TP53BP1: variants seen among roughly 807,000 people sequenced by gnomAD.
TP53BP1 encodes the protein TP53-binding protein 1.
A neutral mutation model predicts 200.8 loss-of-function variants in TP53BP1; 61 were observed. That is an observed-to-expected ratio of 0.30 (90% confidence interval 0.25 to 0.38). The LOEUF is 0.38. TP53BP1 is among the 10% of genes least tolerant of loss of function. The pLI is 1.00. For synonymous variants in TP53BP1, 822 were observed against 844.3 expected (o/e 0.97, Z 0.46); for missense variants, 2,144 against 2,371.9 (o/e 0.90, Z 2.00).
chr15:43,403,776 G>A lies in TP53BP1; in HGVS notation c.*3607C>T, dbSNP rs770105036. On this transcript the variant is annotated 3_prime_UTR_variant, in exon 28 of 28. Coordinates refer to ENST00000382044, the MANE Select transcript of TP53BP1 (RefSeq NM_001141980.3). ...AGGCCCACTGGATGAGCGTGGAGCC[G>A]CCCAGCTGAGCATTCTCGTGAAGGT... 14 of 1,613,678 alleles carry A rather than the reference G, an allele frequency of 8.7e-6. No homozygotes were observed. The highest frequency in any genetic ancestry group is 1.1e-5 in the South Asian group (1 of 91,040).
intron 8 of TP53BP1, among the ~76,000 whole-genome samples, chr15:43,476,685 C>A (rs898288083): frequency 1.7e-4 from 26 of 152,214 alleles, no homozygotes; most frequent in Non-Finnish European, 2.4e-4. Flanking sequence ...GAATGTCTTG[C>A]ACAGCAACCT....
At chr15:43,412,738 GA>G (rs1253777972) in intron 24 of TP53BP1, 2 of 472,364 alleles carry the variant, frequency 4.2e-6, no homozygotes, top group Non-Finnish European at 8.8e-6. Flanking sequence ...AGGGCATTCA[GA>G]CCTGATTGAC....
chr15:43,454,843 T>C (rs1007021036), intron 12 of TP53BP1, among the ~76,000 whole-genome samples: 6 of 152,152 alleles, frequency 3.9e-5, no homozygotes, highest in Non-Finnish European at 8.8e-5. Context: ...GCGATTCTCA[T>C]GCCTCAGCCT....
chr15:43,428,326 G>C (rs554288743), intron 17 of TP53BP1, among the ~76,000 whole-genome samples, 158 bp from the exon 18 acceptor site: 2 of 152,228 alleles, frequency 1.3e-5, no homozygotes, highest in East Asian at 3.9e-4. Context: ...GGTAAGACCA[G>C]GGATGGATGA....
chr15:43,432,799 A>C, intron 16 of TP53BP1, 122 bp from the exon 17 acceptor site: 1 of 1,105,114 alleles, frequency 9.0e-7, no homozygotes, highest in East Asian at 2.5e-5. Context: ...ACAATTTGAG[A>C]AATGTAAGGA....
chr15:43,484,853 C>A (rs931564981), intron 4 of TP53BP1, among the ~76,000 whole-genome samples: 1 of 151,862 alleles, frequency 6.6e-6, no homozygotes. Flanking sequence ...CAGGCTCAAG[C>A]GATCCTCCCA....
intron 4 of TP53BP1, among the ~76,000 whole-genome samples, chr15:43,481,460 T>TATAC (rs147433466): frequency 1.4e-5 from 2 of 143,812 alleles, no homozygotes; most frequent in African/African-American, 2.6e-5. Flanking sequence ...TGTATATAAA[T>TATAC]ACACACACAC....
At chr15:43,498,581 T>A (rs2079193150) in intron 1 of TP53BP1, among the ~76,000 whole-genome samples, 1 of 152,106 alleles carries the variant, frequency 6.6e-6, no homozygotes, top group Non-Finnish European at 1.5e-5. Context: ...AGAATGACAA[T>A]CAAAGTCTCA....
intron 1 of TP53BP1, among the ~76,000 whole-genome samples, chr15:43,509,309 T>G (rs1254166978): frequency 6.6e-6 from 1 of 151,678 alleles, no homozygotes; most frequent in East Asian, 1.9e-4. Context: ...CCCCTTTCTG[T>G]GCAAAAAGGA....
chr15:43,508,644 C>T (rs1042012097), intron 1 of TP53BP1, among the ~76,000 whole-genome samples: 3 of 152,076 alleles, frequency 2.0e-5, no homozygotes, highest in East Asian at 1.9e-4. Context: ...AATATATATA[C>T]GTATATTTTG....
intron 24 of TP53BP1, among the ~76,000 whole-genome samples, chr15:43,410,282 A>G (rs1026472428): frequency 3.9e-5 from 6 of 152,222 alleles, no homozygotes; most frequent in Admixed American, 2.6e-4. Context: ...GCTCAATGAA[A>G]TATGGTTTTA....
upstream of TP53BP1, among the ~76,000 whole-genome samples, chr15:43,495,273 G>C (rs2079174924): frequency 6.6e-6 from 1 of 151,950 alleles, no homozygotes; most frequent in Non-Finnish European, 1.5e-5. Context: ...GACGAGGCGG[G>C]CGGATCATGA....
At chr15:43,465,281 T>C (rs576000867) in intron 11 of TP53BP1, among the ~76,000 whole-genome samples, 2 of 151,968 alleles carry the variant, frequency 1.3e-5, no homozygotes, top group East Asian at 3.9e-4. Flanking sequence ...TTTGAGGAGG[T>C]GATGAAACTA....
At chr15:43,429,134 T>C (rs1435462024) in intron 17 of TP53BP1, among the ~76,000 whole-genome samples, 1 of 152,246 alleles carries the variant, frequency 6.6e-6, no homozygotes, top group African/African-American at 2.4e-5. Flanking sequence ...ATTTTCTATT[T>C]ACAGACAGCC....
At chr15:43,418,373 G>A (rs1237314270) in intron 21 of TP53BP1, among the ~76,000 whole-genome samples, 4 of 149,606 alleles carry the variant, frequency 2.7e-5, no homozygotes. Flanking sequence ...GTGGTGGTGC[G>A]TGCCTGTAAA....
Position 43,415,750 on chromosome 15 carries a change from T to G in TP53BP1, c.4933A>C (p.Thr1645Pro), listed in dbSNP as rs752303589. 6.2e-7 allele frequency: 1 copy of G among 1,614,130 alleles called. No homozygotes were observed. The highest frequency in any genetic ancestry group is 1.1e-5 in the South Asian group (1 of 91,076). ...RSNVSSPATP[T>P]ASSSSSTTPT... is the part of the protein sequence containing the mutation. ...GTTGTGCTGCTGCTACTGGAGGCAG[T>G]AGGGGTGGCTGGGGAGCTGACGTTA... The change falls in exon 23 of 28, where the codon ACT becomes CCT. Residue 1645 changes from threonine to proline, a missense_variant. By Grantham distance (38) the Thr-to-Pro change is conservative (BLOSUM62 -1). Coordinates refer to ENST00000382044, the MANE Select transcript of TP53BP1 (RefSeq NM_001141980.3).
At chr15:43,410,789 G>A (rs1418712432) in intron 24 of TP53BP1, among the ~76,000 whole-genome samples, 2 of 152,120 alleles carry the variant, frequency 1.3e-5, no homozygotes, top group East Asian at 1.9e-4. Flanking sequence ...TCTGCTGGAG[G>A]AGCTCAGGCA....
At position 43,427,242 on chromosome 15, in the gene TP53BP1, T is replaced by C. The variant is rs575876817; in HGVS notation, c.3828+774A>G. ...GCTGACATTTGTAATGAGTCTATAA[T>C]GAATCCCACTAAAAAATAAAGGTGC... On this transcript the variant is annotated intron_variant, in intron 18 of 27. Transcript: ENST00000382044. 6.6e-5 allele frequency among the ~76,000 whole-genome samples: 10 copies of C among 152,316 alleles called. No individual in the cohort carries two copies. In the East Asian group the frequency reaches 1.7e-3, roughly 26 times the overall value.
rs761400384 is a variant in TP53BP1, at chr15:43,457,049, A to G, written c.1559T>C (p.Leu520Ser). ...GLSLTGDSCKLMLSTSEYSQS... is the reference protein window; with the variant it reads ...GLSLTGDSCKSMLSTSEYSQS... ...ACTATATTCACTTGTAGAAAGCATCAACTTGCAAGAATCCCCTGTCAAAGA... is the reference window on the plus strand; with the variant it reads ...ACTATATTCACTTGTAGAAAGCATCGACTTGCAAGAATCCCCTGTCAAAGA... Residue 520 changes from leucine (L) to serine (S), a missense_variant, in exon 12 of 28, where the codon TTG becomes TCG. This residue lies in a region of TP53BP1 where 1,700 missense variants were observed against 1,710.3 expected (regional missense o/e 0.99). Coordinates refer to ENST00000382044, the MANE Select transcript of TP53BP1 (RefSeq NM_001141980.3). The G allele has an allele frequency of 6.2e-7, 1 of 1,614,168 alleles. No individual in the cohort carries two copies. The highest frequency in any genetic ancestry group is 8.5e-7 in the Non-Finnish European group (1 of 1,180,014).
Sources: gnomAD v4.1 joint callset for allele counts (sites outside exome capture counted in the v4.1 genomes callset) on GRCh38, gnomAD v4.1.1 for gene constraint, gnomAD v4.1.1 regional missense constraint, MANE v1.5 for transcripts, NCBI Gene and HGNC (gene_info 2026-07-23, HGNC 2026-07-21) for gene names.